Variants in LHX4 observed in about 807,000 individuals in gnomAD.
LHX4 encodes the protein LIM homeobox 4.
In LHX4, 16 loss-of-function variants were observed where a neutral mutation model predicts 39.2. The observed-to-expected ratio is 0.41, with a 90% CI of 0.28 to 0.62. The LOEUF (loss-of-function observed/expected upper bound fraction) is 0.62, where lower values mean the gene tolerates loss of function less well. Ranked by LOEUF, LHX4 falls within the 20% of genes least tolerant of loss-of-function variation. The pLI is 0.33. For synonymous variants in LHX4, 206 were observed against 198.1 expected, an observed-to-expected ratio of 1.04 and a Z score of -0.33; for missense variants, 439 against 511.9, an observed-to-expected ratio of 0.86 and a Z score of 1.37.
At position 180,266,436 on chromosome 1, in the gene LHX4, C is replaced by G; in HGVS notation, c.293C>G (p.Pro98Arg). The stretch of plus-strand genomic sequence containing the variant: ...ACGGCCTGCCAGCAGGGTATCCCCC[C>G]AACCCAGGTGGTCCGCAAGGCCCAG... The part of the protein sequence containing the change: ...KCTACQQGIP[P>R]TQVVRKAQDF... The change falls in exon 3 of 6, where the codon CCA becomes CGA. Residue 98 changes from proline to arginine, a missense_variant. Transcript: ENST00000263726. The surrounding 1 kb of genome is among the most constrained non-coding windows in gnomAD (Gnocchi z 5.7). 1 of 1,614,224 alleles carries G rather than the reference C, an allele frequency of 6.2e-7. No homozygotes were observed. The highest frequency in any genetic ancestry group is 8.5e-7 in the Non-Finnish European group (1 of 1,180,042).
intron 2 of LHX4, among the ~76,000 whole-genome samples, chr1:180,257,434 T>G (rs1035170722): frequency 7.9e-5 from 12 of 152,194 alleles, no homozygotes; most frequent in Non-Finnish European, 1.6e-4. Context: ...GGGGGCTGTG[T>G]CCCCAGCCCC....
At position 180,271,911 on chromosome 1, in the gene LHX4, A is replaced by T; in HGVS notation, c.683A>T (p.Tyr228Phe). Residue 228 changes from tyrosine (Y) to phenylalanine (F), a missense_variant, in exon 5 of 6, where the codon TAT (tyrosine) becomes TTT (phenylalanine). Transcript: ENST00000263726. Reference sequence around the variant, plus strand: ...GGGCGGCACCGCTGGGGGCAGTTCTATAAGAGCGTCAAGAGGAGCCGGGGC... The same window carrying T: ...GGGCGGCACCGCTGGGGGCAGTTCTTTAAGAGCGTCAAGAGGAGCCGGGGC... ...DAGRHRWGQF[Y>F]KSVKRSRGSS... The T allele has an allele frequency of 6.2e-7, 1 of 1,613,592 alleles. No individual in the cohort carries two copies. The highest frequency in any genetic ancestry group is 8.5e-7 in the Non-Finnish European group (1 of 1,179,956).
chr1:180,229,050 C>G (rs1664090928), upstream of LHX4, among the ~76,000 whole-genome samples: 1 of 152,242 alleles, frequency 6.6e-6, no homozygotes, highest in South Asian at 2.1e-4. Flanking sequence ...CAGAGGAGAC[C>G]TCGTCCCAGC....
rs2149269159 is a variant in LHX4, at chr1:180,274,699, G to GGAA, written c.*122_*124dup. 4 of 1,217,466 alleles carry GGAA rather than the reference G, an allele frequency of 3.3e-6. No individual in the cohort carries two copies. In the African/African-American group the frequency reaches 4.5e-5, roughly 14 times the overall value. The allele number at this position is 1,217,466 out of a possible 1,614,324, so 75.4% of individuals were successfully genotyped here. ...AATGTGAATTTCCATTATTTTCAAT[G>GGAA]GAAGTCCTCCGCTGATTCCTAGAAG... is the stretch of plus-strand genomic sequence containing the variant. On this transcript the variant is annotated 3_prime_UTR_variant, in exon 6 of 6. Coordinates refer to ENST00000263726, the MANE Select transcript of LHX4 (RefSeq NM_033343.4).
At chr1:180,271,676 T>C (rs1648669754) in intron 4 of LHX4, 142 bp downstream of exon 4, 1 of 1,326,404 alleles carries the variant, frequency 7.5e-7, no homozygotes, top group Non-Finnish European at 1.1e-6. Context: ...GACAGAGTTC[T>C]GAGGCCCACC....
chr1:180,258,986 G>C lies in LHX4; in HGVS notation c.249-7406G>C, dbSNP rs140598356. Among the ~76,000 whole-genome samples, 1,365 of 152,172 alleles carry C rather than the reference G, an allele frequency of 9.0e-3. 18 individuals carry two copies. The highest frequency in any genetic ancestry group is 0.031 in the African/African-American group (1,291 of 41,516). Reference sequence around the variant, plus strand: ...GCTATGGGAGGAGCAGAGGGTGCGGGGGGTGTTGGTAGGAGTTTGGTTTTG... The same window carrying C: ...GCTATGGGAGGAGCAGAGGGTGCGGCGGGTGTTGGTAGGAGTTTGGTTTTG... On this transcript the variant is annotated intron_variant, in intron 2 of 5. Coordinates refer to ENST00000263726, the MANE Select transcript of LHX4 (RefSeq NM_033343.4).
intron 2 of LHX4, among the ~76,000 whole-genome samples, chr1:180,252,857 G>T (rs1375043992): frequency 6.6e-6 from 1 of 152,244 alleles, no homozygotes; most frequent in Admixed American, 6.5e-5. Flanking sequence ...AAGAAGGATT[G>T]TTGGGAAATT....
At chr1:180,233,463 C>A (rs2149251442) in intron 1 of LHX4, among the ~76,000 whole-genome samples, 1 of 152,304 alleles carries the variant, frequency 6.6e-6, no homozygotes, top group South Asian at 2.1e-4. Context: ...TCCGAATCCT[C>A]ACAGCGCCTG....
intron 1 of LHX4, among the ~76,000 whole-genome samples, chr1:180,235,102 C>A (rs987721408): frequency 2.0e-5 from 3 of 152,242 alleles, no homozygotes; most frequent in Non-Finnish European, 2.9e-5. Context: ...GCCGGCTTTG[C>A]GCTTACTGCG....
At chr1:180,231,961 A>G (rs1664193821) in intron 1 of LHX4, among the ~76,000 whole-genome samples, 1 of 152,286 alleles carries the variant, frequency 6.6e-6, no homozygotes, top group Admixed American at 6.5e-5. Context: ...TTCTACAGTT[A>G]TTCTTTGAGT....
Position 180,274,610 on chromosome 1 carries a change from C to T in LHX4, c.*31C>T, listed in dbSNP as rs745959693. ...TCTCCTCCCCACCCTACCTGCCCCC[C>T]TGGCTTGAGAGAATATCTTCAAGGA... On this transcript the variant is annotated 3_prime_UTR_variant, in exon 6 of 6. Transcript: ENST00000263726. 2 of 1,526,378 alleles carry T rather than the reference C, an allele frequency of 1.3e-6. No individual in the cohort carries two copies. Among genetic ancestry groups the T allele is most frequent in the Non-Finnish European group, 1.8e-6 (2 of 1,141,118 alleles). 94.6% of individuals were successfully genotyped at this position (1,526,378 alleles called of 1,614,324 possible).
In LHX4 at chr1:180,266,729, A is replaced by G. The variant is rs1312478889; in HGVS notation, c.451+135A>G. 2.4e-6 allele frequency: 2 copies of G among 834,076 alleles called. No individual in the cohort carries two copies. The highest frequency in any genetic ancestry group is 3.9e-6 in the Non-Finnish European group (2 of 506,382). 51.7% of individuals were successfully genotyped at this position (834,076 alleles called of 1,614,324 possible). ...TACTCATGCACCGCCACCTCTGAGA[A>G]GCGTCCCAGATCTCCACACTGAGAG... On this transcript the variant is annotated intron_variant, in intron 3 of 5. Coordinates refer to ENST00000263726, the MANE Select transcript of LHX4 (RefSeq NM_033343.4). The surrounding 1 kb of genome is among the most constrained non-coding windows in gnomAD (Gnocchi z 5.7).
intron 2 of LHX4, among the ~76,000 whole-genome samples, chr1:180,258,067 G>A (rs1407386932): frequency 1.3e-5 from 2 of 152,360 alleles, no homozygotes; most frequent in East Asian, 3.9e-4. Context: ...GTCCTGCTCT[G>A]GGTGCTGGAT....
At chr1:180,254,793 T>C (rs2149258874) in intron 2 of LHX4, among the ~76,000 whole-genome samples, 1 of 152,254 alleles carries the variant, frequency 6.6e-6, no homozygotes, top group Non-Finnish European at 1.5e-5. Context: ...AATACTGACT[T>C]TTCTGAGTGA....
At position 180,274,341 on chromosome 1, in the gene LHX4, A is replaced by G. The variant is rs1432395772; in HGVS notation, c.935A>G (p.Gln312Arg). 2.5e-6 allele frequency: 4 copies of G among 1,614,190 alleles called. No individual in the cohort carries two copies. The highest frequency in any genetic ancestry group is 2.2e-5 in the East Asian group (1 of 44,878). The change falls in exon 6 of 6, where the codon CAG (glutamine) becomes CGG (arginine). Residue 312 changes from glutamine to arginine, a missense_variant. Transcript: ENST00000263726. ...LRDGSPYGIPQSPSSISSLPS... is the reference protein window; with the variant it reads ...LRDGSPYGIPRSPSSISSLPS... ...GATGGGAGCCCCTATGGAATCCCCC[A>G]GTCTCCATCCTCCATATCGTCCCTG...
intron 2 of LHX4, among the ~76,000 whole-genome samples, chr1:180,254,734 C>T (rs1389509533): frequency 6.6e-6 from 1 of 152,172 alleles, no homozygotes; most frequent in Non-Finnish European, 1.5e-5. Flanking sequence ...GAACTTGGGG[C>T]GTTAGACATC....
At chr1:180,246,191 T>C (rs972898677) in intron 1 of LHX4, among the ~76,000 whole-genome samples, 4 of 152,114 alleles carry the variant, frequency 2.6e-5, no homozygotes, top group Non-Finnish European at 5.9e-5. Flanking sequence ...TGGGGTTTAA[T>C]TGGGCCCAAA....
rs2149263429 is a variant in LHX4, at chr1:180,266,939, G to A, written c.451+345G>A. On this transcript the variant is annotated intron_variant, in intron 3 of 5. Coordinates refer to ENST00000263726, the MANE Select transcript of LHX4 (RefSeq NM_033343.4). The surrounding 1 kb of genome is among the most constrained non-coding windows in gnomAD (Gnocchi z 5.7). Reference sequence around the variant, plus strand: ...CTGGGGTGCTGAGGGGTGGCTGGGAGCTTGGTCTGTATTGGACACGTGGGG... The same window carrying A: ...CTGGGGTGCTGAGGGGTGGCTGGGAACTTGGTCTGTATTGGACACGTGGGG... Among the ~76,000 whole-genome samples, 1 of 152,296 alleles carries A rather than the reference G, an allele frequency of 6.6e-6. No individual in the cohort carries two copies. The highest frequency in any genetic ancestry group is 1.5e-5 in the Non-Finnish European group (1 of 68,022).
rs1046315156 is a variant in LHX4 at position 180,258,875 on chromosome 1, C to G, written c.249-7517C>G. Among the ~76,000 whole-genome samples the G allele has an allele frequency of 2.6e-5, 4 of 151,864 alleles. No homozygotes were observed. The East Asian group carries it at 7.7e-4, about 29-fold the overall frequency. The stretch of plus-strand genomic sequence containing the variant: ...TTCTGAGTAGAGTCAACAGGATTTG[C>G]TGACAGATCAGATGGGGACGGATGC... On this transcript the variant is annotated intron_variant, in intron 2 of 5. Coordinates refer to ENST00000263726, the MANE Select transcript of LHX4 (RefSeq NM_033343.4).
Sources: allele counts gnomAD v4.1 joint callset (sites outside exome capture counted in the v4.1 genomes callset), GRCh38; gene constraint gnomAD v4.1.1; non-coding constraint Gnocchi (gnomAD v3.1); transcripts MANE v1.5; gene names NCBI Gene and HGNC (gene_info 2026-07-23, HGNC 2026-07-21).